The following OPA1 variants were observed in gnomAD, a reference collection of about 807,000 sequenced individuals.
The protein encoded by OPA1 is dynamin-like GTPase OPA1, mitochondrial.
OPA1 carries 59 observed loss-of-function variants against 152.9 expected under a neutral mutation model. That is an observed-to-expected ratio of 0.39 (90% CI 0.31 to 0.48). The LOEUF (loss-of-function observed/expected upper bound fraction) is 0.48. OPA1 is among the 20% of genes least tolerant of loss of function. OPA1 has a pLI of 0.96. For synonymous variants in OPA1, 400 were observed against 389.9 expected, an observed-to-expected ratio of 1.03 and a Z score of -0.31; for missense variants, 1,008 against 1,216.8, an observed-to-expected ratio of 0.83 and a Z score of 2.55.
chr3:193,628,654 T>C lies in OPA1; in HGVS notation c.789+2452T>C, dbSNP rs539189639. On this transcript the variant is annotated intron_variant, in intron 7 of 30. Coordinates refer to ENST00000361510, the MANE Select transcript of OPA1 (RefSeq NM_130837.3). ...TTTATTTCATGATGCAAACAATATA[T>C]TGAACAACAGGACATGAACTTGTTC... 6 of 152,286 alleles carry C rather than the reference T, an allele frequency of 3.9e-5. No homozygotes were observed. The South Asian group carries it at 1.2e-3, about 32-fold the overall frequency. The allele number at this position is 152,286 out of a possible 1,614,324, so 9.4% of individuals were successfully genotyped here.
intron 10 of OPA1, 68 bp downstream of exon 10, chr3:193,637,349 T>G: frequency 1.1e-6 from 1 of 894,850 alleles, no homozygotes; most frequent in Non-Finnish European, 1.9e-6. Flanking sequence ...TCCTAAAAAT[T>G]ATGTGTATAT....
intron 29 of OPA1, chr3:193,668,788 TG>T: frequency 8.4e-7 from 1 of 1,190,578 alleles, no homozygotes. Flanking sequence ...TGTCACTGTT[TG>T]GGGTTGATAT....
chr3:193,647,251 C>T (rs752021338), intron 19 of OPA1, 71 bp downstream of exon 19: 6 of 904,234 alleles, frequency 6.6e-6, no homozygotes, highest in African/African-American at 4.9e-5. Context: ...GGCATCCATA[C>T]GATTCTGTAC....
intron 9 of OPA1, among the ~76,000 whole-genome samples, chr3:193,636,183 G>T (rs546167323): frequency 6.6e-6 from 1 of 151,900 alleles, no homozygotes; most frequent in Admixed American, 6.6e-5. Context: ...CTGTAGTCAA[G>T]GTCCAAAGAT....
intron 21 of OPA1, among the ~76,000 whole-genome samples, chr3:193,649,748 A>G (rs6794517): frequency 0.5 from 75,478 of 151,920 alleles, 19,157 homozygotes; most frequent in African/African-American, 0.57. Context: ...AACCTCTTCT[A>G]TCTTCAAGTA....
intron 1 of OPA1, among the ~76,000 whole-genome samples, chr3:193,607,431 T>G (rs1189789901): frequency 6.6e-6 from 1 of 152,236 alleles, no homozygotes; most frequent in Non-Finnish European, 1.5e-5. Context: ...TATCTTGAAT[T>G]AATTTTTGTA....
chr3:193,687,138 A>G (rs1031973977), intron 29 of OPA1, among the ~76,000 whole-genome samples: 3 of 152,210 alleles, frequency 2.0e-5, no homozygotes, highest in Admixed American at 2.0e-4. Context: ...CAAAAAGAAA[A>G]TGAGAGTAGC....
At chr3:193,643,693 T>C in intron 15 of OPA1, 66 bp downstream of exon 15, 1 of 1,369,168 alleles carries the variant, frequency 7.3e-7, no homozygotes, top group Non-Finnish European at 1.0e-6. Flanking sequence ...AAGCTTTGCA[T>C]TAAATAGTTT....
chr3:193,657,757 C>G (rs1175876773), intron 23 of OPA1, among the ~76,000 whole-genome samples: 1 of 152,174 alleles, frequency 6.6e-6, no homozygotes, highest in African/African-American at 2.4e-5. Flanking sequence ...AAGCCCCTCT[C>G]TAATGGCAAA....
chr3:193,628,594 C>T (rs920685069), intron 7 of OPA1: 2 of 152,146 alleles, frequency 1.3e-5, no homozygotes, highest in Non-Finnish European at 2.9e-5. Flanking sequence ...GTTTCAAGAC[C>T]ATTGATATCC....
chr3:193,633,161 G>C (rs1006996488), intron 8 of OPA1, among the ~76,000 whole-genome samples: 2 of 152,282 alleles, frequency 1.3e-5, no homozygotes, highest in African/African-American at 2.4e-5. Flanking sequence ...CCAGGGGTAA[G>C]AGTCATTGGT....
At chr3:193,659,632 A>G in intron 25 of OPA1, 71 bp downstream of exon 25, 1 of 1,225,800 alleles carries the variant, frequency 8.2e-7, no homozygotes, top group African/African-American at 1.5e-5. Context: ...ATTAAAATAT[A>G]ACCTTTTTGT....
chr3:193,613,802 T>G (rs1400089066), intron 1 of OPA1: 2 of 426,704 alleles, frequency 4.7e-6, no homozygotes, highest in African/African-American at 4.1e-5. Context: ...GGTCTTGAAC[T>G]CCTGACCTCA....
chr3:193,664,737 T>A (rs1716123527), intron 26 of OPA1, 143 bp from the exon 27 acceptor site: 1 of 603,508 alleles, frequency 1.7e-6, no homozygotes, highest in Non-Finnish European at 3.0e-6. Context: ...AATAAAAAAA[T>A]TTGAATAACT....
chr3:193,650,233 G>T lies in OPA1; in HGVS notation c.2012+1362G>T, dbSNP rs113560617. Among the ~76,000 whole-genome samples, 50 of 152,270 alleles carry T rather than the reference G, an allele frequency of 3.3e-4. 1 individual carries two copies. The Middle Eastern group carries it at 0.01, about 31-fold the overall frequency. On this transcript the variant is annotated intron_variant, in intron 21 of 30. Transcript: ENST00000361510. Reference sequence around the variant, plus strand: ...AGGGGACAGTGAACGCATACCACCAGATTGCCCATTGAAAAGGCAACGGTC... The same window carrying T: ...AGGGGACAGTGAACGCATACCACCATATTGCCCATTGAAAAGGCAACGGTC...
At chr3:193,649,992 A>G (rs1434749261) in intron 21 of OPA1, among the ~76,000 whole-genome samples, 4 of 152,180 alleles carry the variant, frequency 2.6e-5, no homozygotes, top group African/African-American at 4.8e-5. Context: ...AGGGCATTTA[A>G]TGTATATAAA....
intron 26 of OPA1, among the ~76,000 whole-genome samples, chr3:193,664,303 A>G (rs1472736217): frequency 2.0e-5 from 3 of 152,060 alleles, no homozygotes; most frequent in Admixed American, 6.6e-5. Context: ...GACCTCACTT[A>G]CCTCATCTGT....
intron 29 of OPA1, among the ~76,000 whole-genome samples, chr3:193,687,723 C>A (rs1045310501): frequency 5.3e-5 from 8 of 152,096 alleles, no homozygotes; most frequent in Non-Finnish European, 1.2e-4. Flanking sequence ...AGCCAGATGG[C>A]ACAGTTAGTA....
chr3:193,613,908 A>G (rs541408465), intron 1 of OPA1: 7 of 518,692 alleles, frequency 1.3e-5, no homozygotes, highest in Admixed American at 5.8e-5. Context: ...GTCCCTTGTA[A>G]TTAAAGGAAT....
Sources: allele counts gnomAD v4.1 joint callset (sites outside exome capture counted in the v4.1 genomes callset), GRCh38; gene constraint gnomAD v4.1.1; transcripts MANE v1.5; gene names NCBI Gene and HGNC (gene_info 2026-07-23, HGNC 2026-07-21).